ERI2: variants seen among roughly 807,000 people sequenced by gnomAD.
ERI2 encodes ERI1 exoribonuclease 2.
Under a neutral mutation model 46.8 loss-of-function variants are expected in ERI2, and 35 were observed. The observed-to-expected ratio is 0.75, with a 90% CI of 0.57 to 0.99. The LOEUF (loss-of-function observed/expected upper bound fraction) is 0.99, where lower values mean the gene tolerates loss of function less well. Among genes scored for constraint, ERI2 ranks in the 50% least tolerant of loss-of-function variants. The pLI is 0.00. For missense variants in ERI2, 695 were observed against 796.2 expected (o/e 0.87, Z 1.53); for synonymous variants, 224 against 271.0 (o/e 0.83, Z 1.70).
intron 5 of ERI2, 29 bp downstream of exon 5, chr16:20,801,174 G>A (rs1261594651): frequency 1.3e-6 from 2 of 1,558,668 alleles, no homozygotes; most frequent in African/African-American, 2.7e-5. Context: ...CTACCCATCT[G>A]TGATTAATAG....
intron 10 of ERI2, among the ~76,000 whole-genome samples, chr16:20,788,030 T>C (rs1330314169): frequency 2.0e-5 from 3 of 152,206 alleles, no homozygotes; most frequent in Non-Finnish European, 4.4e-5. Context: ...ATCAGAATGC[T>C]TAGTACATAA....
intron 9 of ERI2, chr16:20,789,572 A>C (rs1416411360): frequency 6.4e-7 from 1 of 1,557,042 alleles, no homozygotes; most frequent in South Asian, 1.1e-5. Context: ...ACAAAGTTTG[A>C]AAACCAGTAA....
In ERI2 at chr16:20,796,894, T is replaced by C; in HGVS notation, c.*830A>G. On this transcript the variant is annotated 3_prime_UTR_variant, in exon 9 of 9. Coordinates refer to ENST00000357967, the MANE Select transcript of ERI2 (RefSeq NM_001142725.2). The stretch of plus-strand genomic sequence containing the variant: ...CCCCTTGATGCCAACAGGTAGAATT[T>C]ATTCAAGAGCTGCCAAAGACTATCA... 1 of 1,612,050 alleles carries C rather than the reference T, an allele frequency of 6.2e-7. No homozygotes were observed. The highest frequency in any genetic ancestry group is 1.7e-4 in the Middle Eastern group (1 of 6,048).
chr16:20,786,825 G>A (rs1218741620), intron 10 of ERI2, among the ~76,000 whole-genome samples: 2 of 152,196 alleles, frequency 1.3e-5, no homozygotes, highest in African/African-American at 2.4e-5. Flanking sequence ...CTAGAGTTGG[G>A]ATTCAATCCC....
chr16:20,786,854 A>G (rs936758341), intron 10 of ERI2, among the ~76,000 whole-genome samples: 7 of 152,190 alleles, frequency 4.6e-5, no homozygotes, highest in Non-Finnish European at 8.8e-5. Context: ...TGGCTCCAAT[A>G]TCTGCACTCT....
intron 1 of ERI2, chr16:20,805,857 C>A (rs2080861199): frequency 1.7e-6 from 1 of 574,536 alleles, no homozygotes; most frequent in South Asian, 7.3e-5. Context: ...CCGGACACAG[C>A]AGTAGGGTGG....
At chr16:20,791,942 A>T (rs1308614010), downstream of ERI2, 6 of 1,570,138 alleles carry the variant, frequency 3.8e-6, no homozygotes, top group Non-Finnish European at 5.2e-6. Flanking sequence ...AAAAAAAAAA[A>T]TTCCAATTGA....
intron 10 of ERI2, among the ~76,000 whole-genome samples, chr16:20,787,683 T>C (rs1301821123): frequency 2.0e-5 from 3 of 152,230 alleles, no homozygotes. Context: ...GTCCTTTCTC[T>C]CACTTTAACC....
chr16:20,805,681 C>G (rs1254791709), intron 1 of ERI2: 1 of 174,772 alleles, frequency 5.7e-6, no homozygotes, highest in Non-Finnish European at 1.2e-5. Context: ...TAGGTCATAG[C>G]CTGTTCCTCT....
At chr16:20,781,098 T>C (rs1374968735) in intron 10 of ERI2, 22 of 1,613,980 alleles carry the variant, frequency 1.4e-5, no homozygotes, top group African/African-American at 4.0e-5. Flanking sequence ...CACACACCAT[T>C]TACCCCGTTT....
intron 10 of ERI2, chr16:20,789,457 A>G: frequency 6.4e-7 from 1 of 1,566,474 alleles, no homozygotes; most frequent in South Asian, 1.1e-5. Context: ...AGGGTAAGAG[A>G]GCAAGGCTGT....
At position 20,789,184 on chromosome 16, in the gene ERI2, G is replaced by C. The variant is rs1248261629; in HGVS notation, c.894+295C>G. 2.0e-5 allele frequency among the ~76,000 whole-genome samples: 3 copies of C among 152,122 alleles called. No homozygotes were observed. The East Asian group carries it at 5.8e-4, about 29-fold the overall frequency. On this transcript the variant is annotated intron_variant, in intron 10 of 10. Transcript: ENST00000300005. Reference sequence around the variant, plus strand: ...CTCTCTAGAGGCATTGCACAGAGGAGTGTAATGATTAAAAGCATATGATCT... The same window carrying C: ...CTCTCTAGAGGCATTGCACAGAGGACTGTAATGATTAAAAGCATATGATCT...
At chr16:20,799,229 A>C (rs2080770143) in intron 8 of ERI2, 34 bp downstream of exon 8, 1 of 1,607,638 alleles carries the variant, frequency 6.2e-7, no homozygotes, top group Non-Finnish European at 8.5e-7. Flanking sequence ...ATGAAGTTTG[A>C]GATGACAGAA....
At chr16:20,805,139 C>T (rs1479220477) in intron 1 of ERI2, among the ~76,000 whole-genome samples, 1 of 152,076 alleles carries the variant, frequency 6.6e-6, no homozygotes, top group Admixed American at 6.5e-5. Context: ...TTAAAAGGAT[C>T]ACTAGGCCAG....
intron 3 of ERI2, 111 bp from the exon 4 acceptor site, chr16:20,803,034 A>C: frequency 8.5e-7 from 1 of 1,171,542 alleles, no homozygotes; most frequent in South Asian, 2.1e-5. Flanking sequence ...AGTTTTCAGT[A>C]AAAGCATACT....
In ERI2 at chr16:20,798,305, AGGCAGAAATATCTGAACCTGGATCTTT is replaced by A; in HGVS notation, c.1468_1494del (p.Lys490_Ala498del). The A allele has an allele frequency of 6.4e-7, 1 of 1,551,552 alleles. No individual in the cohort carries two copies. The highest frequency in any genetic ancestry group is 2.4e-5 in the East Asian group (1 of 40,914). On this transcript the variant is annotated inframe_deletion, in exon 9 of 9. Transcript: ENST00000357967. The stretch of plus-strand genomic sequence containing the variant: ...CTTGATTTGTGTTCAGGTAACTTAA[AGGCAGAAATATCTGAACCTGGATCTTT>A]GGCTTCTTTTACATTATAAATAGTA...
At chr16:20,794,184 G>A (rs550213692), downstream of ERI2, among the ~76,000 whole-genome samples, 1 of 152,240 alleles carries the variant, frequency 6.6e-6, no homozygotes. Context: ...CTCTAGGCTG[G>A]GTCCTGCCAG....
At chr16:20,780,866 T>C (rs5715) in intron 10 of ERI2, 1,141,942 of 1,613,942 alleles carry the variant, frequency 0.71, 408,107 homozygotes, top group Non-Finnish European at 0.73. Context: ...AGGTATACTT[T>C]CACAAAAGTG....
Position 20,798,549 on chromosome 16 carries a change from A to C in ERI2, c.1251T>G (p.Ser417=), listed in dbSNP as rs2080760729. 2.6e-6 allele frequency: 4 copies of C among 1,551,640 alleles called. No homozygotes were observed. The highest frequency in any genetic ancestry group is 3.5e-6 in the Non-Finnish European group (4 of 1,146,908). ...DWEDVVLLPA[S]QPEENVDCTV... ...TACAGTCTACGTTTTCCTCAGGCTG[A>C]GATGCTGGCAGTAAAACCACATCCT... is the stretch of plus-strand genomic sequence containing the variant. Residue 417 remains serine (S), a synonymous_variant, in exon 9 of 9, where the codon TCT becomes TCG. Transcript: ENST00000357967.
Sources: gnomAD v4.1 joint callset for allele counts (sites outside exome capture counted in the v4.1 genomes callset) on GRCh38, gnomAD v4.1.1 for gene constraint, MANE v1.5 for transcripts, NCBI Gene and HGNC (gene_info 2026-07-23, HGNC 2026-07-21) for gene names.